The following SEMA4D variants were observed in gnomAD, a reference collection of about 807,000 sequenced individuals.
SEMA4D encodes the protein semaphorin-4D.
SEMA4D carries 22 observed loss-of-function variants against 74.8 expected under a neutral mutation model. The ratio of observed to expected loss-of-function variants is 0.29; its 90% CI spans 0.21 to 0.42. The LOEUF is 0.42. SEMA4D is among the 10% of genes least tolerant of loss of function. The pLI is 1.00. For missense variants in SEMA4D, 937 were observed against 1,118.4 expected, an observed-to-expected ratio of 0.84 and a Z score of 2.31; for synonymous variants, 445 against 463.7, an observed-to-expected ratio of 0.96 and a Z score of 0.52.
At position 89,461,700 on chromosome 9, in the gene SEMA4D, C is replaced by CTCTTTTTTTTTTTT. The variant is rs71281350; in HGVS notation, c.-309-5748_-309-5747insAAAAAAAAAAAAGA. On this transcript the variant is annotated intron_variant, in intron 1 of 15. Transcript: ENST00000422704. ...GGGCCAATGTGTATTTCTTTTTTCT[C>CTCTTTTTTTTTTTT]TTTTTTTTTTTTTTTTTTTGGAGAC... 1.5e-3 allele frequency among the ~76,000 whole-genome samples: 158 copies of CTCTTTTTTTTTTTT among 103,634 alleles called. 5 individuals carry two copies. Among genetic ancestry groups the CTCTTTTTTTTTTTT allele is most frequent in the Non-Finnish European group, 1.9e-3 (101 of 52,228 alleles). The allele number at this position is 103,634 out of a possible 152,430, so 68.0% of individuals were successfully genotyped here.
At chr9:89,396,697 C>T (rs376961809) in intron 6 of SEMA4D, 40 bp downstream of exon 6, 36 of 1,536,702 alleles carry the variant, frequency 2.3e-5, no homozygotes, top group Non-Finnish European at 2.9e-5. Context: ...AACTGCTGAC[C>T]AGGCTGGCGT....
chr9:89,468,248 C>A (rs1456134785), intron 1 of SEMA4D, among the ~76,000 whole-genome samples: 1 of 152,166 alleles, frequency 6.6e-6, no homozygotes, highest in Admixed American at 6.5e-5. Flanking sequence ...CTATTTTAAA[C>A]CCCAGCATGA....
Position 89,377,377 on chromosome 9 carries a change from T to C in SEMA4D, c.*1327A>G, listed in dbSNP as rs894373469. 1.3e-5 allele frequency: 3 copies of C among 229,796 alleles called. No individual in the cohort carries two copies. Among genetic ancestry groups the C allele is most frequent in the Non-Finnish European group, 2.5e-5 (3 of 118,850 alleles). The allele number at this position is 229,796 out of a possible 1,614,324, so 14.2% of individuals were successfully genotyped here. A position where few individuals can be genotyped will look rare whatever the true frequency, so the allele number is the denominator to read the frequency against. On this transcript the variant is annotated 3_prime_UTR_variant, in exon 16 of 16. Transcript: ENST00000422704. ...ATCCTATCATGCTGGAAGATAAGAC[T>C]GTCCACACACGCGCACAAACATCCA...
At chr9:89,379,679 T>C (rs1836564318) in intron 15 of SEMA4D, 50 bp from the exon 16 acceptor site, 4 of 1,545,970 alleles carry the variant, frequency 2.6e-6, no homozygotes, top group Middle Eastern at 1.7e-4. Flanking sequence ...CCATTTGCTA[T>C]TTAACAACTT....
chr9:89,449,717 T>C, intron 2 of SEMA4D: 1 of 1,519,450 alleles, frequency 6.6e-7, no homozygotes, highest in Non-Finnish European at 9.1e-7. Flanking sequence ...AGAAAGGTGA[T>C]GCCGTGATTA....
chr9:89,406,071 G>C (rs1009915846), intron 2 of SEMA4D: 6 of 430,696 alleles, frequency 1.4e-5, no homozygotes. Flanking sequence ...AAGAGAACTC[G>C]GGTTTCAGTT....
In SEMA4D at chr9:89,387,415, G is replaced by T; in HGVS notation, c.1301C>A (p.Thr434Asn). The change falls in exon 12 of 16, where the codon ACT becomes AAT. Residue 434 changes from threonine to asparagine, a missense_variant. By Grantham distance (65) the Thr-to-Asn change is moderately conservative. Coordinates refer to ENST00000422704, the MANE Select transcript of SEMA4D (RefSeq NM_001371194.2). ...VVDRTQALDG[T>N]VYDVMFVSTD... ...GCTGACAAACATGACATCATAGACA[G>T]TCCCATCCAGGGCCTGGGTCCGGTC... 1 of 1,614,120 alleles carries T rather than the reference G, an allele frequency of 6.2e-7. No individual in the cohort carries two copies. The highest frequency in any genetic ancestry group is 1.1e-5 in the South Asian group (1 of 91,086).
chr9:89,399,216 G>T (rs370157226), intron 5 of SEMA4D, 60 bp downstream of exon 5: 2 of 1,430,222 alleles, frequency 1.4e-6, no homozygotes, highest in African/African-American at 1.4e-5. Flanking sequence ...GCATTCAGTA[G>T]ATTAAAACAA....
chr9:89,408,709 A>G (rs7029711), intron 2 of SEMA4D, among the ~76,000 whole-genome samples: 149,593 of 152,320 alleles, frequency 0.98, 73,568 homozygotes, highest in Non-Finnish European at 1. Flanking sequence ...GGGCCTTGGA[A>G]AGGGTTCTTG....
At chr9:89,389,313 G>A (rs1050156286) in intron 9 of SEMA4D, among the ~76,000 whole-genome samples, 3 of 152,216 alleles carry the variant, frequency 2.0e-5, no homozygotes, top group Non-Finnish European at 2.9e-5. Context: ...TCATTTGATC[G>A]TCCATGCCTG....
intron 1 of SEMA4D, among the ~76,000 whole-genome samples, chr9:89,491,478 G>A (rs1201379163): frequency 6.6e-6 from 1 of 152,214 alleles, no homozygotes; most frequent in African/African-American, 2.4e-5. Context: ...GCTGACGCAG[G>A]TGAATGGCTT....
intron 1 of SEMA4D, among the ~76,000 whole-genome samples, chr9:89,476,082 A>G (rs140221426): frequency 1.2e-3 from 190 of 152,316 alleles, no homozygotes; most frequent in Non-Finnish European, 2.3e-3. Flanking sequence ...CAGCTTGCAC[A>G]AGGCCCCGGA....
intron 5 of SEMA4D, among the ~76,000 whole-genome samples, chr9:89,397,775 T>C (rs1841318466): frequency 6.6e-6 from 1 of 152,254 alleles, no homozygotes; most frequent in South Asian, 2.1e-4. Flanking sequence ...TAAGAAAGTT[T>C]AGCATAGACT....
At chr9:89,416,218 C>T (rs1845669598) in intron 2 of SEMA4D, among the ~76,000 whole-genome samples, 1 of 152,236 alleles carries the variant, frequency 6.6e-6, no homozygotes, top group Non-Finnish European at 1.5e-5. Flanking sequence ...TGTCTGCACA[C>T]TCTGATCCCC....
chr9:89,464,097 T>A (rs7872751), intron 1 of SEMA4D, among the ~76,000 whole-genome samples: 1 of 151,792 alleles, frequency 6.6e-6, no homozygotes, highest in Non-Finnish European at 1.5e-5. Flanking sequence ...CAGTCAAAAA[T>A]GGAGAGTGTG....
At chr9:89,445,880 T>G (rs772109148) in intron 2 of SEMA4D, among the ~76,000 whole-genome samples, 6 of 152,156 alleles carry the variant, frequency 3.9e-5, no homozygotes, top group Non-Finnish European at 8.8e-5. Context: ...TCCCAGCCTC[T>G]GCGTCCACCT....
At chr9:89,370,479 GGTGT>G (rs796415214) in intron 16 of SEMA4D, among the ~76,000 whole-genome samples, 3 of 150,258 alleles carry the variant, frequency 2.0e-5, no homozygotes, top group African/African-American at 7.3e-5. Flanking sequence ...TTGTGTGTGT[GGTGT>G]GTATGAAGGA....
chr9:89,392,403 G>C lies in SEMA4D; in HGVS notation c.622+20C>G, dbSNP rs766416999. On this transcript the variant is annotated intron_variant, in intron 8 of 15. Transcript: ENST00000422704. Reference sequence around the variant, plus strand: ...TGAGGAGACACGCACCTCCCACTAAGGTGCACTGCTCTTCCTTACCGTTCA... The same window carrying C: ...TGAGGAGACACGCACCTCCCACTAACGTGCACTGCTCTTCCTTACCGTTCA... 4 of 1,533,634 alleles carry C rather than the reference G, an allele frequency of 2.6e-6. No homozygotes were observed. Among genetic ancestry groups the C allele is most frequent in the South Asian group, 1.1e-5 (1 of 89,386 alleles).
rs372941868 is a variant in SEMA4D at position 89,388,660 on chromosome 9, C to T, written c.1083G>A (p.Pro361=). ...SHTKWVRYNG[P]VPKPRPGACI... is the part of the protein sequence containing the mutation. ...CCGCTCCAGGCCGCGGCTTGGGTAC[C>T]GGGCCATTATAGCGCACCCACTTGG... is the stretch of plus-strand genomic sequence containing the variant. Residue 361 remains proline, a synonymous_variant, in exon 11 of 16, where the codon CCG becomes CCA. Coordinates refer to ENST00000422704, the MANE Select transcript of SEMA4D (RefSeq NM_001371194.2). The T allele has an allele frequency of 9.1e-5, 145 of 1,601,942 alleles. No individual in the cohort carries two copies. Among genetic ancestry groups the T allele is most frequent in the Non-Finnish European group, 1.2e-4 (140 of 1,178,126 alleles).
Sources: gnomAD v4.1 joint callset for allele counts (sites outside exome capture counted in the v4.1 genomes callset) on GRCh38, gnomAD v4.1.1 for gene constraint, MANE v1.5 for transcripts, NCBI Gene and HGNC (gene_info 2026-07-23, HGNC 2026-07-21) for gene names.